Variants in FHIT observed in about 807,000 individuals in gnomAD.
The protein encoded by FHIT is fragile histidine triad diadenosine triphosphatase.
A neutral mutation model predicts 17.9 loss-of-function variants in FHIT; 19 were observed. The ratio of observed to expected loss-of-function variants is 1.06; its 90% CI spans 0.74 to 1.56. FHIT has a LOEUF of 1.56. Ranked by LOEUF, FHIT falls within the 40% of genes most tolerant of loss-of-function variation. The probability of loss-of-function intolerance (pLI) is 0.00; values close to 1 mark genes in which losing one functional copy is unlikely to be tolerated. For missense variants in FHIT, 248 were observed against 189.2 expected, an observed-to-expected ratio of 1.31 and a Z score of -1.82; for synonymous variants, 81 against 69.7, an observed-to-expected ratio of 1.16 and a Z score of -0.81.
At chr3:60,954,177 A>G (rs1252687440) in intron 3 of FHIT, among the ~76,000 whole-genome samples, 1 of 152,192 alleles carries the variant, frequency 6.6e-6, no homozygotes. Flanking sequence ...CATTTGCTAA[A>G]ATGACTCAAT....
chr3:60,570,896 T>C (rs1432685808), intron 4 of FHIT, among the ~76,000 whole-genome samples: 1 of 151,964 alleles, frequency 6.6e-6, no homozygotes, highest in Admixed American at 6.6e-5. Flanking sequence ...CCCAGAACAC[T>C]TAGGGGCCAT....
chr3:60,634,453 C>T (rs1240498156), intron 4 of FHIT, among the ~76,000 whole-genome samples: 2 of 152,318 alleles, frequency 1.3e-5, no homozygotes, highest in South Asian at 2.1e-4. Context: ...ATTTCTGAGG[C>T]ACATCAAAGG....
At chr3:60,040,064 G>A (rs1251255819) in intron 5 of FHIT, among the ~76,000 whole-genome samples, 1 of 152,156 alleles carries the variant, frequency 6.6e-6, no homozygotes, top group East Asian at 1.9e-4. Flanking sequence ...TTTATCTTAA[G>A]ATGACACCCA....
chr3:59,750,894 A>T (rs1190714855), intron 9 of FHIT: 1 of 198,978 alleles, frequency 5.0e-6, no homozygotes, highest in African/African-American at 2.3e-5. Flanking sequence ...TTTTCCAATC[A>T]ATTGCTAACA....
At chr3:60,009,772 T>A (rs985074256) in intron 7 of FHIT, among the ~76,000 whole-genome samples, 1 of 152,176 alleles carries the variant, frequency 6.6e-6, no homozygotes, top group East Asian at 1.9e-4. Flanking sequence ...AGAACCTGTA[T>A]CCATTAGGAA....
intron 8 of FHIT, among the ~76,000 whole-genome samples, chr3:59,785,327 T>G (rs1303613519): frequency 7.5e-6 from 1 of 132,834 alleles, no homozygotes; most frequent in East Asian, 2.1e-4. Context: ...TTTTTTTTTT[T>G]GAGATAGTAT....
intron 7 of FHIT, among the ~76,000 whole-genome samples, chr3:59,988,940 C>A (rs547113843): frequency 2.6e-5 from 4 of 152,208 alleles, no homozygotes; most frequent in African/African-American, 9.6e-5. Flanking sequence ...ATGCTGACAG[C>A]ATGCACAATT....
chr3:61,075,996 G>C (rs9820462), intron 2 of FHIT, among the ~76,000 whole-genome samples: 7,395 of 152,112 alleles, frequency 0.049, 601 homozygotes, highest in African/African-American at 0.17. Flanking sequence ...ATTATTATTC[G>C]TTTAATCCCT....
intron 5 of FHIT, among the ~76,000 whole-genome samples, chr3:60,222,571 A>G (rs1394079675): frequency 6.6e-6 from 1 of 152,036 alleles, no homozygotes; most frequent in Admixed American, 6.5e-5. Flanking sequence ...CGGGTGGATC[A>G]CGAGGTCAGG....
intron 5 of FHIT, among the ~76,000 whole-genome samples, chr3:60,165,836 T>C (rs965041268): frequency 1.3e-5 from 2 of 152,176 alleles, no homozygotes; most frequent in East Asian, 3.9e-4. Flanking sequence ...TACTGAGAGG[T>C]GTCCTCGGTG....
intron 2 of FHIT, among the ~76,000 whole-genome samples, chr3:61,105,394 G>T (rs1267020006): frequency 6.6e-6 from 1 of 151,902 alleles, no homozygotes; most frequent in African/African-American, 2.4e-5. Context: ...TACTTGTATT[G>T]TTTTAATTTT....
At position 60,847,358 on chromosome 3, in the gene FHIT, T is replaced by C. The variant is rs988699194; in HGVS notation, c.-110-25347A>G. Among the ~76,000 whole-genome samples, 6 of 152,266 alleles carry C rather than the reference T, an allele frequency of 3.9e-5. 1 individual carries two copies. In the South Asian group the frequency reaches 1.2e-3, roughly 32 times the overall value. ...TTGCACATTTTAGGCATGGTGAAGA[T>C]CTACACCTGATGCTGGGTTCCTAAG... On this transcript the variant is annotated intron_variant, in intron 3 of 9. Transcript: ENST00000492590.
At chr3:61,208,537 C>T (rs1228975804) in intron 1 of FHIT, among the ~76,000 whole-genome samples, 1 of 152,090 alleles carries the variant, frequency 6.6e-6, no homozygotes, top group East Asian at 1.9e-4. Flanking sequence ...GTTAGCTCTT[C>T]TCATTGAATT....
intron 5 of FHIT, among the ~76,000 whole-genome samples, chr3:60,411,525 A>G (rs1446818814): frequency 6.6e-6 from 1 of 152,130 alleles, no homozygotes; most frequent in Non-Finnish European, 1.5e-5. Context: ...ATTACTATGT[A>G]TATTGTATTT....
chr3:60,660,213 T>C (rs1266053574), intron 4 of FHIT, among the ~76,000 whole-genome samples: 1 of 152,186 alleles, frequency 6.6e-6, no homozygotes, highest in African/African-American at 2.4e-5. Context: ...AAAGAAGGGC[T>C]TGCAACAATG....
Position 60,892,246 on chromosome 3 carries a change from G to T in FHIT, c.-110-70235C>A, listed in dbSNP as rs1291152743. Among the ~76,000 whole-genome samples, 4 of 152,166 alleles carry T rather than the reference G, an allele frequency of 2.6e-5. No homozygotes were observed. In the East Asian group the frequency reaches 7.7e-4, roughly 29 times the overall value. On this transcript the variant is annotated intron_variant, in intron 3 of 9. Transcript: ENST00000492590. ...TTTTGAAATAATAGCAATAGTAGAT[G>T]TAAATCATCTTTTTTGGCTAAATAT...
chr3:61,024,584 G>A (rs1391801233), intron 3 of FHIT, among the ~76,000 whole-genome samples: 1 of 151,970 alleles, frequency 6.6e-6, no homozygotes, highest in Non-Finnish European at 1.5e-5. Context: ...CAAAGTACAG[G>A]CAAAGAAAGA....
At chr3:60,930,336 C>T (rs1707882010) in intron 3 of FHIT, among the ~76,000 whole-genome samples, 1 of 152,092 alleles carries the variant, frequency 6.6e-6, no homozygotes, top group Non-Finnish European at 1.5e-5. Context: ...ACACCAAAAG[C>T]AATGGTAACA....
chr3:61,139,556 A>G (rs897166497), intron 2 of FHIT, among the ~76,000 whole-genome samples: 1 of 147,454 alleles, frequency 6.8e-6, no homozygotes, highest in Non-Finnish European at 1.5e-5. Flanking sequence ...TGATAAGTAA[A>G]CTACACTTAT....
Sources: allele counts gnomAD v4.1 joint callset (sites outside exome capture counted in the v4.1 genomes callset), GRCh38; gene constraint gnomAD v4.1.1; transcripts MANE v1.5; gene names NCBI Gene and HGNC (gene_info 2026-07-23, HGNC 2026-07-21).